ACSL5: variants seen among roughly 807,000 people sequenced by gnomAD.
The protein encoded by ACSL5 is acyl-CoA synthetase long chain family member 5.
Under a neutral mutation model 84.9 loss-of-function variants are expected in ACSL5, and 50 were observed. The observed-to-expected ratio is 0.59, with a 90% CI of 0.47 to 0.75. The LOEUF is 0.75. ACSL5 is among the 30% of genes least tolerant of loss of function. ACSL5 has a pLI of 0.00. For synonymous variants in ACSL5, 280 were observed against 300.7 expected (o/e 0.93, Z 0.71); for missense variants, 775 against 830.4 (o/e 0.93, Z 0.82).
intron 1 of ACSL5, among the ~76,000 whole-genome samples, chr10:112,389,821 T>G (rs1849521856): frequency 6.6e-6 from 1 of 152,228 alleles, no homozygotes; most frequent in East Asian, 1.9e-4. Flanking sequence ...TCACCTTCTC[T>G]CAGGCCCTTA....
At chr10:112,396,264 T>G (rs953021454) in intron 2 of ACSL5, 2 of 152,230 alleles carry the variant, frequency 1.3e-5, no homozygotes, top group African/African-American at 2.4e-5. Flanking sequence ...CTTTCCTCTC[T>G]TCATAATAGG....
chr10:112,397,479 C>G (rs752984032), intron 2 of ACSL5, among the ~76,000 whole-genome samples: 1 of 152,120 alleles, frequency 6.6e-6, no homozygotes, highest in African/African-American at 2.4e-5. Flanking sequence ...CAGCTAACCC[C>G]CTTTTTCTTG....
chr10:112,414,120 T>A (rs1377892156), intron 12 of ACSL5, among the ~76,000 whole-genome samples: 5 of 152,156 alleles, frequency 3.3e-5, no homozygotes, highest in Non-Finnish European at 5.9e-5. Flanking sequence ...CTAGCACTGC[T>A]CTATTTTTCA....
intron 1 of ACSL5, among the ~76,000 whole-genome samples, chr10:112,393,217 GT>G (rs1275890382): frequency 6.6e-6 from 1 of 152,002 alleles, no homozygotes; most frequent in Non-Finnish European, 1.5e-5. Context: ...TAGCACCCTT[GT>G]TTTTATGTAA....
At chr10:112,394,158 C>CT (rs1476247086) in intron 1 of ACSL5, among the ~76,000 whole-genome samples, 1 of 152,168 alleles carries the variant, frequency 6.6e-6, no homozygotes, top group Non-Finnish European at 1.5e-5. Context: ...TAGGGGAAGC[C>CT]TTTGTTACTT....
chr10:112,391,251 C>T (rs1030733566), intron 1 of ACSL5, among the ~76,000 whole-genome samples: 3 of 151,882 alleles, frequency 2.0e-5, no homozygotes, highest in Non-Finnish European at 4.4e-5. Flanking sequence ...TGGTGGCAGG[C>T]ACCTGCTACT....
intron 1 of ACSL5, among the ~76,000 whole-genome samples, chr10:112,385,372 T>C (rs149792588): frequency 3.2e-4 from 49 of 152,350 alleles, no homozygotes; most frequent in Non-Finnish European, 6.0e-4. Flanking sequence ...TGATCTGATG[T>C]CTTTCTATGA....
At chr10:112,404,853 TA>T in intron 5 of ACSL5, 47 bp downstream of exon 5, 2 of 1,508,498 alleles carry the variant, frequency 1.3e-6, no homozygotes, top group Non-Finnish European at 1.8e-6. Context: ...GGGTTAAGTT[TA>T]AAAACTTCAA....
chr10:112,394,843 TG>T, intron 1 of ACSL5, 74 bp from the exon 2 acceptor site: 1 of 1,566,764 alleles, frequency 6.4e-7, no homozygotes, highest in Middle Eastern at 1.7e-4. Flanking sequence ...TGTGTCCTTC[TG>T]AAAACATAGA....
At chr10:112,413,419 T>A in intron 12 of ACSL5, 112 bp downstream of exon 12, 1 of 1,322,398 alleles carries the variant, frequency 7.6e-7, no homozygotes, top group African/African-American at 1.5e-5. Context: ...AGTATCTACG[T>A]AAAGCCGTGT....
At chr10:112,422,089 G>GA in intron 16 of ACSL5, 54 bp downstream of exon 16, 1 of 1,578,340 alleles carries the variant, frequency 6.3e-7, no homozygotes, top group Non-Finnish European at 8.7e-7. Context: ...GTTTATATCA[G>GA]AAAGAGCAAA....
intron 10 of ACSL5, 98 bp downstream of exon 10, chr10:112,411,627 TACACACAC>T (rs3831106): frequency 3.7e-6 from 3 of 820,978 alleles, no homozygotes; most frequent in Non-Finnish European, 5.8e-6. Context: ...CACACACACA[TACACACAC>T]ACACACACAC....
intron 14 of ACSL5, chr10:112,418,643 A>G (rs1844378772): frequency 3.3e-5 from 5 of 151,472 alleles, no homozygotes; most frequent in African/African-American, 9.7e-5. Flanking sequence ...GTAGACTACT[A>G]TTGACTAGAA....
intron 5 of ACSL5, among the ~76,000 whole-genome samples, chr10:112,407,809 C>A (rs1844080225): frequency 6.6e-6 from 1 of 152,176 alleles, no homozygotes; most frequent in South Asian, 2.1e-4. Flanking sequence ...TCCCAAATAG[C>A]TTTCCTCACC....
chr10:112,392,750 A>C (rs1312299622), intron 1 of ACSL5, among the ~76,000 whole-genome samples: 8 of 150,850 alleles, frequency 5.3e-5, no homozygotes, highest in Non-Finnish European at 4.4e-5. Flanking sequence ...CAAAAAAAAA[A>C]AAAAAAATTA....
intron 11 of ACSL5, chr10:112,412,264 G>A: frequency 2.7e-6 from 1 of 364,130 alleles, no homozygotes; most frequent in Non-Finnish European, 4.9e-6. Flanking sequence ...CTATCTATCT[G>A]CCCTTAATTC....
intron 14 of ACSL5, chr10:112,419,379 A>G (rs1844402711): frequency 2.0e-5 from 3 of 152,224 alleles, no homozygotes; most frequent in African/African-American, 7.2e-5. Flanking sequence ...TTATAGAAAA[A>G]CAGGCAAAAG....
intron 6 of ACSL5, 99 bp downstream of exon 6, chr10:112,408,620 A>T (rs1373089460): frequency 2.3e-6 from 2 of 858,110 alleles, no homozygotes; most frequent in African/African-American, 3.3e-5. Context: ...GTTTAAGCAA[A>T]CTTGAAATGC....
chr10:112,374,617 C>T (rs1470450204), intron 1 of ACSL5, among the ~76,000 whole-genome samples: 2 of 152,138 alleles, frequency 1.3e-5, no homozygotes, highest in Admixed American at 6.6e-5. Flanking sequence ...TTAGAAGGAT[C>T]GTGCGTCAGC....
Sources: allele counts gnomAD v4.1 joint callset (sites outside exome capture counted in the v4.1 genomes callset), GRCh38; gene constraint gnomAD v4.1.1; transcripts MANE v1.5; gene names NCBI Gene and HGNC (gene_info 2026-07-23, HGNC 2026-07-21).